INSYN2B: variants seen among roughly 807,000 people sequenced by gnomAD.
INSYN2B encodes the protein protein INSYN2B.
Under a neutral mutation model 41.2 loss-of-function variants are expected in INSYN2B, and 16 were observed. The ratio of observed to expected loss-of-function variants is 0.39; its 90% CI spans 0.26 to 0.59. The LOEUF is 0.59. INSYN2B is among the 20% of genes least tolerant of loss of function. The pLI, the probability that INSYN2B is intolerant of heterozygous loss-of-function variation, is 0.57. For synonymous variants in INSYN2B, 245 were observed against 244.4 expected (o/e 1.00, Z -0.02); for missense variants, 608 against 646.4 (o/e 0.94, Z 0.64).
intron 1 of INSYN2B, among the ~76,000 whole-genome samples, chr5:169,891,450 G>C (rs569125369): frequency 2.6e-5 from 4 of 152,218 alleles, no homozygotes; most frequent in African/African-American, 9.6e-5. Flanking sequence ...TTAGATCTTG[G>C]GTAGAATCTT....
chr5:169,925,220 T>A (rs1048521965), intron 1 of INSYN2B, among the ~76,000 whole-genome samples: 2 of 152,172 alleles, frequency 1.3e-5, no homozygotes, highest in African/African-American at 4.8e-5. Flanking sequence ...CAGCCCTAGC[T>A]TAGCTTCAGT....
At chr5:169,925,105 C>G (rs114876159) in intron 1 of INSYN2B, among the ~76,000 whole-genome samples, 1 of 152,094 alleles carries the variant, frequency 6.6e-6, no homozygotes, top group African/African-American at 2.4e-5. Flanking sequence ...TCCACCCCAA[C>G]CCCCCATTCA....
chr5:169,972,700 G>C (rs1253082815), intron 1 of INSYN2B, among the ~76,000 whole-genome samples: 3 of 152,148 alleles, frequency 2.0e-5, no homozygotes, highest in East Asian at 3.8e-4. Flanking sequence ...ACCTGACATA[G>C]CTCCTTACAC....
chr5:169,912,786 G>A (rs1267644794), intron 1 of INSYN2B, among the ~76,000 whole-genome samples: 1 of 152,110 alleles, frequency 6.6e-6, no homozygotes, highest in Non-Finnish European at 1.5e-5. Context: ...GGTGGCAGCA[G>A]CAGGAGCAGC....
At chr5:169,925,199 G>T (rs1775370450) in intron 1 of INSYN2B, among the ~76,000 whole-genome samples, 1 of 152,200 alleles carries the variant, frequency 6.6e-6, no homozygotes, top group Admixed American at 6.5e-5. Flanking sequence ...CTGAGGACTA[G>T]TTCAGTCAGG....
Position 169,883,342 on chromosome 5 carries a change from C to T in INSYN2B, c.557G>A (p.Cys186Tyr). Residue 186 changes from cysteine to tyrosine, a missense_variant, in exon 2 of 4, where the codon TGC (cysteine) becomes TAC (tyrosine). Physicochemically the swap from Cys to Tyr is radical, Grantham distance 194. Coordinates refer to ENST00000377365, the MANE Select transcript of INSYN2B (RefSeq NM_001129891.3). Reference sequence around the variant, plus strand: ...GGACCTCCAAGTTCCTGCTTCCAAGCATATGCTAACAGGACCATTGCTTTG... The same window carrying T: ...GGACCTCCAAGTTCCTGCTTCCAAGTATATGCTAACAGGACCATTGCTTTG... ...KVQSNGPVSI[C>Y]LEAGTWRSLE... The T allele has an allele frequency of 6.4e-7, 1 of 1,551,642 alleles. No homozygotes were observed. Among genetic ancestry groups the T allele is most frequent in the Non-Finnish European group, 8.7e-7 (1 of 1,146,952 alleles).
In INSYN2B at chr5:169,863,143, G is replaced by T. The variant is rs1771308042; in HGVS notation, c.*1130C>A. Among the ~76,000 whole-genome samples the T allele has an allele frequency of 6.6e-6, 1 of 152,194 alleles. No homozygotes were observed. Among genetic ancestry groups the T allele is most frequent in the Non-Finnish European group, 1.5e-5 (1 of 68,024 alleles). On this transcript the variant is annotated 3_prime_UTR_variant, in exon 4 of 4. Coordinates refer to ENST00000377365, the MANE Select transcript of INSYN2B (RefSeq NM_001129891.3). The stretch of plus-strand genomic sequence containing the variant: ...TATGTAGGTCTTGTCAACAGAATGA[G>T]CCAGACCTTGAATAACTCAGACTTT...
chr5:169,892,830 G>A (rs1383206559), intron 1 of INSYN2B, among the ~76,000 whole-genome samples: 1 of 152,086 alleles, frequency 6.6e-6, no homozygotes, highest in Non-Finnish European at 1.5e-5. Flanking sequence ...AAATCTAGCT[G>A]GATTATCCTC....
intron 3 of INSYN2B, among the ~76,000 whole-genome samples, chr5:169,870,622 C>CT (rs1264963442): frequency 1.3e-5 from 2 of 151,014 alleles, no homozygotes; most frequent in East Asian, 3.9e-4. Context: ...TATTATTATA[C>CT]TTTAAGTTTT....
intron 1 of INSYN2B, among the ~76,000 whole-genome samples, chr5:169,896,459 A>T (rs748990903): frequency 6.6e-6 from 1 of 152,180 alleles, no homozygotes; most frequent in Non-Finnish European, 1.5e-5. Flanking sequence ...TCTCTGGGCT[A>T]TGATTTTCTC....
In INSYN2B at chr5:169,878,763, G is replaced by C. The variant is rs536557675; in HGVS notation, c.1421+2605C>G. On this transcript the variant is annotated intron_variant, in intron 3 of 3. Transcript: ENST00000377365. ...GTGCTAGGATTAATGCTAAGGAGAA[G>C]TGAAGGGAGTGATTGGGGCCAAAAC... Among the ~76,000 whole-genome samples the C allele has an allele frequency of 2.0e-5, 3 of 152,342 alleles. No homozygotes were observed. In the East Asian group the frequency reaches 5.8e-4, roughly 29 times the overall value.
At chr5:169,952,814 C>T (rs1455562952) in intron 1 of INSYN2B, among the ~76,000 whole-genome samples, 1 of 151,886 alleles carries the variant, frequency 6.6e-6, no homozygotes, top group Admixed American at 6.6e-5. Flanking sequence ...AGTGAAGCCA[C>T]CAGAATACAT....
chr5:169,921,269 T>C (rs1775161835), intron 1 of INSYN2B, among the ~76,000 whole-genome samples: 1 of 152,246 alleles, frequency 6.6e-6, no homozygotes, highest in South Asian at 2.1e-4. Flanking sequence ...ATATTCAAGA[T>C]CATCACTTCC....
rs1247747565 is a variant in INSYN2B, at chr5:169,882,543, A to G, written c.1346+10T>C. Reference sequence around the variant, plus strand: ...CAGTCATTTTTAATATGAAAAAAAAATCTCCTTACCCTTCAGTGAGAGCTC... The same window carrying G: ...CAGTCATTTTTAATATGAAAAAAAAGTCTCCTTACCCTTCAGTGAGAGCTC... On this transcript the variant is annotated intron_variant, in intron 2 of 3. Coordinates refer to ENST00000377365, the MANE Select transcript of INSYN2B (RefSeq NM_001129891.3). 4 of 1,521,252 alleles carry G rather than the reference A, an allele frequency of 2.6e-6. No homozygotes were observed. The highest frequency in any genetic ancestry group is 3.5e-6 in the Non-Finnish European group (4 of 1,128,738). 94.2% of individuals were successfully genotyped at this position (1,521,252 alleles called of 1,614,324 possible).
At chr5:169,886,509 T>A (rs918624249) in intron 1 of INSYN2B, among the ~76,000 whole-genome samples, 1 of 152,244 alleles carries the variant, frequency 6.6e-6, no homozygotes, top group Non-Finnish European at 1.5e-5. Context: ...ATACCTATGA[T>A]AATGGGGAGC....
chr5:169,890,665 T>C (rs1454291221), intron 1 of INSYN2B, among the ~76,000 whole-genome samples: 1 of 152,200 alleles, frequency 6.6e-6, no homozygotes, highest in Non-Finnish European at 1.5e-5. Context: ...ATGGGTTGAC[T>C]TGAGGAAAAA....
At position 169,978,375 on chromosome 5, in the gene INSYN2B, A is replaced by ATG. The variant is rs70979152; in HGVS notation, c.-919+1900_-919+1901dup. Among the ~76,000 whole-genome samples the ATG allele has an allele frequency of 4.5e-3, 116 of 25,768 alleles. 3 individuals carry two copies. Among genetic ancestry groups the ATG allele is most frequent in the African/African-American group, 7.8e-3 (56 of 7,206 alleles). The allele number at this position is 25,768 out of a possible 152,430, so 16.9% of individuals were successfully genotyped here. A position where few individuals can be genotyped will look rare whatever the true frequency, so the allele number is the denominator to read the frequency against. ...CACTGCAGGGGTCCTGGCTCTGTGT[A>ATG]TGTGTGTGTGTGTGTGTGGGGGGGG... On this transcript the variant is annotated intron_variant, in intron 1 of 3. Transcript: ENST00000377365.
chr5:169,919,635 G>A (rs1775064354), intron 1 of INSYN2B, among the ~76,000 whole-genome samples: 1 of 152,176 alleles, frequency 6.6e-6, no homozygotes, highest in African/African-American at 2.4e-5. Context: ...GCGTATTTTT[G>A]TGACAGTTAT....
At chr5:169,897,856 G>T (rs147623480) in intron 1 of INSYN2B, among the ~76,000 whole-genome samples, 7 of 152,348 alleles carry the variant, frequency 4.6e-5, no homozygotes, top group African/African-American at 1.7e-4. Context: ...TAATAGAGGA[G>T]TGGACTCTCA....
Sources: gnomAD v4.1 joint callset for allele counts (sites outside exome capture counted in the v4.1 genomes callset) on GRCh38, gnomAD v4.1.1 for gene constraint, MANE v1.5 for transcripts, NCBI Gene and HGNC (gene_info 2026-07-23, HGNC 2026-07-21) for gene names.